The following FHIT variants were observed in gnomAD, a reference collection of about 807,000 sequenced individuals.
The protein encoded by FHIT is fragile histidine triad diadenosine triphosphatase, also known as bis(5'-adenosyl)-triphosphatase.
Under a neutral mutation model 17.9 loss-of-function variants are expected in FHIT, and 19 were observed. The ratio of observed to expected loss-of-function variants is 1.06; its 90% CI spans 0.74 to 1.56. The LOEUF is 1.56. Among genes scored for constraint, FHIT ranks in the 40% most tolerant of loss-of-function variants. The pLI, the probability that FHIT is intolerant of heterozygous loss-of-function variation, is 0.00. For synonymous variants in FHIT, 81 were observed against 69.7 expected (o/e 1.16, Z -0.81); for missense variants, 248 against 189.2 (o/e 1.31, Z -1.82).
intron 3 of FHIT, among the ~76,000 whole-genome samples, chr3:60,860,361 C>CATCATATGTATACATGAG (rs1703647123): frequency 1.1e-3 from 71 of 61,784 alleles, no homozygotes; most frequent in Non-Finnish European, 1.5e-3. Flanking sequence ...GTATACATGA[C>CATCATATGTATACATGAG]ATACATCATA....
intron 4 of FHIT, among the ~76,000 whole-genome samples, chr3:60,665,017 G>A (rs573680969): frequency 1.3e-4 from 19 of 149,706 alleles, no homozygotes; most frequent in East Asian, 5.8e-4. Flanking sequence ...TATTTTTCTC[G>A]TTTCTCAAAA....
chr3:60,163,749 A>G (rs537440405), intron 5 of FHIT, among the ~76,000 whole-genome samples: 6 of 152,296 alleles, frequency 3.9e-5, no homozygotes, highest in African/African-American at 1.4e-4. Context: ...GTTTAGCAGC[A>G]TTCACTAGAT....
At chr3:60,578,145 T>C (rs2037631828) in intron 4 of FHIT, among the ~76,000 whole-genome samples, 1 of 152,048 alleles carries the variant, frequency 6.6e-6, no homozygotes, top group Non-Finnish European at 1.5e-5. Flanking sequence ...CTTTTAAAAG[T>C]GCACACTTTA....
At chr3:60,609,670 T>C (rs939496) in intron 4 of FHIT, among the ~76,000 whole-genome samples, 117,530 of 152,048 alleles carry the variant, frequency 0.77, 45,604 homozygotes, top group East Asian at 0.79. Flanking sequence ...ATTGTTTTAT[T>C]CACTAGGCTT....
In FHIT at chr3:60,430,905, C is replaced by T. The variant is rs565701976; in HGVS notation, c.103+105955G>A. ...TCTCAACTACTCTAAAGCAAGATTG[C>T]TCCTTTTTCTCAGTCCTGGTTTTGG... On this transcript the variant is annotated intron_variant, in intron 5 of 9. Coordinates refer to ENST00000492590, the MANE Select transcript of FHIT (RefSeq NM_002012.4). Among the ~76,000 whole-genome samples, 12 of 152,086 alleles carry T rather than the reference C, an allele frequency of 7.9e-5. No individual in the cohort carries two copies. In the East Asian group the frequency reaches 1.8e-3, roughly 22 times the overall value.
chr3:60,181,381 A>G (rs1701928965), intron 5 of FHIT, among the ~76,000 whole-genome samples: 1 of 152,034 alleles, frequency 6.6e-6, no homozygotes, highest in Non-Finnish European at 1.5e-5. Flanking sequence ...CCTGACCTCA[A>G]GTGATCTGCC....
intron 3 of FHIT, among the ~76,000 whole-genome samples, chr3:61,001,760 T>C (rs992041820): frequency 1.3e-5 from 2 of 152,046 alleles, no homozygotes; most frequent in Non-Finnish European, 2.9e-5. Flanking sequence ...GCTACACTTA[T>C]GATAAAATTG....
chr3:60,167,284 G>C (rs1014129779), intron 5 of FHIT, among the ~76,000 whole-genome samples: 2 of 152,182 alleles, frequency 1.3e-5, no homozygotes, highest in African/African-American at 4.8e-5. Context: ...GAAGTATGAT[G>C]CTTGATAACT....
chr3:59,932,515 G>A (rs908658046), intron 7 of FHIT, among the ~76,000 whole-genome samples: 4 of 152,182 alleles, frequency 2.6e-5, no homozygotes, highest in African/African-American at 9.6e-5. Context: ...GGGAGCTGTT[G>A]TCATAGTTCT....
At chr3:60,537,531 A>G (rs2036028505) in intron 4 of FHIT, 1 of 876,916 alleles carries the variant, frequency 1.1e-6, no homozygotes, top group Non-Finnish European at 1.4e-6. Context: ...TAAAGGAGAA[A>G]AAAAACATTT....
chr3:59,808,543 C>G (rs1700292002), intron 8 of FHIT, among the ~76,000 whole-genome samples: 2 of 152,190 alleles, frequency 1.3e-5, no homozygotes, highest in East Asian at 3.9e-4. Context: ...TCTTTTCATT[C>G]TCCTCCCACC....
intron 4 of FHIT, among the ~76,000 whole-genome samples, chr3:60,588,171 C>T (rs1178098425): frequency 2.0e-5 from 3 of 151,994 alleles, no homozygotes; most frequent in Non-Finnish European, 4.4e-5. Context: ...ATCTGGGTCT[C>T]ATTACAAGCT....
chr3:59,948,800 A>G (rs1272612783), intron 7 of FHIT, among the ~76,000 whole-genome samples: 1 of 150,008 alleles, frequency 6.7e-6, no homozygotes, highest in East Asian at 2.0e-4. Context: ...TCTTTTGTCC[A>G]CTCTACTTGT....
rs192603765 is a variant in FHIT, at chr3:60,800,732, T to G, written c.-18+21187A>C. On this transcript the variant is annotated intron_variant, in intron 4 of 9. Transcript: ENST00000492590. ...AGCCACGGAAAGATATGGCTTCAGCTGGAGTCCAGCCATGGCCCAAACCCA... is the reference window on the plus strand; with the variant it reads ...AGCCACGGAAAGATATGGCTTCAGCGGGAGTCCAGCCATGGCCCAAACCCA... 5.3e-5 allele frequency among the ~76,000 whole-genome samples: 8 copies of G among 152,312 alleles called. No homozygotes were observed. In the East Asian group the frequency reaches 1.4e-3, roughly 26 times the overall value.
intron 4 of FHIT, among the ~76,000 whole-genome samples, chr3:60,819,705 C>A (rs990785676): frequency 2.0e-5 from 3 of 152,158 alleles, no homozygotes; most frequent in African/African-American, 7.2e-5. Context: ...ATTCTTTGAG[C>A]AGTTCCCATA....
chr3:60,592,247 T>A (rs1244149013), intron 4 of FHIT, among the ~76,000 whole-genome samples: 3 of 145,064 alleles, frequency 2.1e-5, no homozygotes, highest in Non-Finnish European at 4.6e-5. Flanking sequence ...ATTCCATATA[T>A]ATACTATATA....
chr3:60,538,820 C>T (rs1377660067), intron 4 of FHIT, among the ~76,000 whole-genome samples: 1 of 152,094 alleles, frequency 6.6e-6, no homozygotes, highest in Non-Finnish European at 1.5e-5. Context: ...AAATGTTAGA[C>T]CAAAAACCAT....
At chr3:61,043,877 G>A (rs1439996296) in intron 2 of FHIT, among the ~76,000 whole-genome samples, 1 of 152,150 alleles carries the variant, frequency 6.6e-6, no homozygotes, top group African/African-American at 2.4e-5. Flanking sequence ...GGTCTGGAGT[G>A]GACCTCCAGC....
At chr3:61,033,568 G>A (rs1035011520) in intron 3 of FHIT, among the ~76,000 whole-genome samples, 1 of 152,140 alleles carries the variant, frequency 6.6e-6, no homozygotes, top group African/African-American at 2.4e-5. Flanking sequence ...ACTACAAAAT[G>A]TAAAATTACA....
Sources: gnomAD v4.1 joint callset for allele counts (sites outside exome capture counted in the v4.1 genomes callset) on GRCh38, gnomAD v4.1.1 for gene constraint, MANE v1.5 for transcripts, NCBI Gene and HGNC (gene_info 2026-07-23, HGNC 2026-07-21) for gene names.